DCC: variants seen among roughly 807,000 people sequenced by gnomAD.
The protein encoded by DCC is DCC netrin 1 receptor.
A neutral mutation model predicts 172.5 loss-of-function variants in DCC; 58 were observed. The ratio of observed to expected loss-of-function variants is 0.34; its 90% confidence interval spans 0.27 to 0.42. The LOEUF is 0.42. DCC is among the 10% of genes least tolerant of loss of function. The pLI is 1.00. For missense variants in DCC, 1,740 were observed against 1,791.0 expected, an observed-to-expected ratio of 0.97 and a Z score of 0.51; for synonymous variants, 709 against 644.5, an observed-to-expected ratio of 1.10 and a Z score of -1.52.
chr18:53,070,358 A>G (rs1013996141), intron 7 of DCC, among the ~76,000 whole-genome samples: 1 of 152,126 alleles, frequency 6.6e-6, no homozygotes, highest in Non-Finnish European at 1.5e-5. Context: ...CCAAGTTACA[A>G]TCAGGGTTGG....
chr18:52,531,637 T>TA (rs752756045), intron 1 of DCC, among the ~76,000 whole-genome samples: 2 of 152,156 alleles, frequency 1.3e-5, no homozygotes, highest in Non-Finnish European at 2.9e-5. Context: ...TCTCCATAGT[T>TA]TTAATGAGTT....
Position 52,812,324 on chromosome 18 carries a change from C to G in DCC, c.412+59950C>G, listed in dbSNP as rs146132444. On this transcript the variant is annotated intron_variant, in intron 2 of 28. Coordinates refer to ENST00000442544, the MANE Select transcript of DCC (RefSeq NM_005215.4). ...CCCTTTCCAATGATCAATGTCTATG[C>G]CTTGCTTCTAAAAATATATACTTAT... Among the ~76,000 whole-genome samples, 107 of 151,830 alleles carry G rather than the reference C, an allele frequency of 7.0e-4. 1 individual carries two copies. Among genetic ancestry groups the G allele is most frequent in the African/African-American group, 2.4e-3 (98 of 41,520 alleles).
At position 52,598,879 on chromosome 18, in the gene DCC, A is replaced by G. The variant is rs1323959321; in HGVS notation, c.92-153175A>G. ...TTCCAAGATGGCGCCTCAATGCTGCATTTTCCAGAGGGGTGGAATGCCGTG... is the reference window on the plus strand; with the variant it reads ...TTCCAAGATGGCGCCTCAATGCTGCGTTTTCCAGAGGGGTGGAATGCCGTG... On this transcript the variant is annotated intron_variant, in intron 1 of 28. Coordinates refer to ENST00000442544, the MANE Select transcript of DCC (RefSeq NM_005215.4). 6.6e-5 allele frequency among the ~76,000 whole-genome samples: 10 copies of G among 152,188 alleles called. No individual in the cohort carries two copies. In the East Asian group the frequency reaches 1.7e-3, roughly 26 times the overall value.
At chr18:53,141,676 G>A (rs1001542831) in intron 7 of DCC, among the ~76,000 whole-genome samples, 2 of 152,126 alleles carry the variant, frequency 1.3e-5, no homozygotes, top group Non-Finnish European at 2.9e-5. Flanking sequence ...CAGAGTCATT[G>A]GTATATACTC....
chr18:53,372,776 T>TC (rs11372185), intron 15 of DCC, among the ~76,000 whole-genome samples: 83,923 of 151,888 alleles, frequency 0.55, 24,002 homozygotes, highest in Non-Finnish European at 0.64. Context: ...TCCACGGCCT[T>TC]CCACTCTCTT....
At chr18:53,222,963 T>C (rs1456480682) in intron 12 of DCC, among the ~76,000 whole-genome samples, 3 of 151,958 alleles carry the variant, frequency 2.0e-5, no homozygotes, top group African/African-American at 7.2e-5. Flanking sequence ...TCTCAATTAA[T>C]TTAAAATAAT....
At chr18:52,749,372 C>T (rs2036960973) in intron 1 of DCC, among the ~76,000 whole-genome samples, 1 of 152,076 alleles carries the variant, frequency 6.6e-6, no homozygotes, top group Admixed American at 6.5e-5. Context: ...CCCCTGTCTG[C>T]CTGGGAATTT....
intron 2 of DCC, among the ~76,000 whole-genome samples, chr18:52,844,641 G>A (rs1302787436): frequency 2.0e-5 from 3 of 152,114 alleles, no homozygotes; most frequent in Non-Finnish European, 4.4e-5. Context: ...AGTATTATCT[G>A]TGAGTTACAA....
At chr18:52,735,962 A>T (rs1172107351) in intron 1 of DCC, among the ~76,000 whole-genome samples, 2 of 152,192 alleles carry the variant, frequency 1.3e-5, no homozygotes, top group Non-Finnish European at 2.9e-5. Flanking sequence ...GAGGCAGTCT[A>T]TATCAAATAT....
intron 1 of DCC, among the ~76,000 whole-genome samples, chr18:52,630,942 C>T (rs1432117754): frequency 6.6e-6 from 1 of 152,102 alleles, no homozygotes; most frequent in Non-Finnish European, 1.5e-5. Context: ...GAGTACTATG[C>T]CCTTAGTATG....
chr18:53,219,546 T>C (rs2144588135), intron 12 of DCC, among the ~76,000 whole-genome samples: 1 of 152,286 alleles, frequency 6.6e-6, no homozygotes, highest in Admixed American at 6.5e-5. Context: ...CCTCTCATTA[T>C]ATCACCTCAC....
chr18:53,108,361 T>C (rs1328567580), intron 7 of DCC, among the ~76,000 whole-genome samples: 1 of 151,834 alleles, frequency 6.6e-6, no homozygotes, highest in African/African-American at 2.4e-5. Context: ...CTAAGTGATA[T>C]ATGGTCTAGG....
intron 15 of DCC, among the ~76,000 whole-genome samples, chr18:53,354,004 C>T (rs1008337310): frequency 6.6e-6 from 1 of 152,154 alleles, no homozygotes; most frequent in Non-Finnish European, 1.5e-5. Flanking sequence ...TGAGTGAGAA[C>T]ATGCGGTGTT....
chr18:52,976,259 A>C (rs918031754), intron 5 of DCC, among the ~76,000 whole-genome samples: 1 of 151,994 alleles, frequency 6.6e-6, no homozygotes, highest in Non-Finnish European at 1.5e-5. Context: ...CCTCTGTCAG[A>C]TGCATCATTT....
At chr18:52,514,278 G>C (rs1426587466) in intron 1 of DCC, among the ~76,000 whole-genome samples, 1 of 152,052 alleles carries the variant, frequency 6.6e-6, no homozygotes, top group African/African-American at 2.4e-5. Flanking sequence ...GTTATAGTTG[G>C]GAATGTATTG....
At chr18:52,480,499 A>G (rs1421065871) in intron 1 of DCC, among the ~76,000 whole-genome samples, 1 of 152,212 alleles carries the variant, frequency 6.6e-6, no homozygotes, top group Non-Finnish European at 1.5e-5. Flanking sequence ...ATCTATCAAC[A>G]CAAGTGTCCC....
intron 1 of DCC, among the ~76,000 whole-genome samples, chr18:52,649,995 T>G (rs1367047496): frequency 8.4e-5 from 9 of 106,756 alleles, no homozygotes; most frequent in Admixed American, 3.1e-4. Flanking sequence ...TTTTTTTTTT[T>G]GAGATGGAGT....
intron 1 of DCC, among the ~76,000 whole-genome samples, chr18:52,421,068 G>A (rs955965631): frequency 2.6e-5 from 4 of 152,120 alleles, no homozygotes; most frequent in African/African-American, 9.7e-5. Context: ...CAGTGCAACA[G>A]ATACACATCT....
chr18:53,161,074 A>G (rs1394728331), intron 8 of DCC, among the ~76,000 whole-genome samples: 1 of 152,202 alleles, frequency 6.6e-6, no homozygotes, highest in Non-Finnish European at 1.5e-5. Context: ...CTTCCATTGC[A>G]ACAAATTTTG....
Sources: gnomAD v4.1 joint callset for allele counts (sites outside exome capture counted in the v4.1 genomes callset) on GRCh38, gnomAD v4.1.1 for gene constraint, MANE v1.5 for transcripts, NCBI Gene and HGNC (gene_info 2026-07-23, HGNC 2026-07-21) for gene names.